SEC16A: variants seen among roughly 807,000 people sequenced by gnomAD.
SEC16A encodes the protein protein transport protein Sec16A.
In SEC16A, 110 loss-of-function variants were observed where a neutral mutation model predicts 221.9. That is an observed-to-expected ratio of 0.50 (90% CI 0.42 to 0.58). The LOEUF (loss-of-function observed/expected upper bound fraction) is 0.58. SEC16A is among the 20% of genes least tolerant of loss of function. The pLI is 0.00. For missense variants in SEC16A, 3,165 were observed against 3,097.8 expected (o/e 1.02, Z -0.52); for synonymous variants, 1,393 against 1,257.7 (o/e 1.11, Z -2.28).
intron 23 of SEC16A, among the ~76,000 whole-genome samples, chr9:136,449,111 G>A (rs942568478): frequency 3.3e-5 from 5 of 152,198 alleles, no homozygotes; most frequent in South Asian, 2.1e-4. Context: ...AGCTTCCGAC[G>A]TCCTCCCCTT....
intron 31 of SEC16A, among the ~76,000 whole-genome samples, chr9:136,443,276 C>T (rs1161255091): frequency 1.3e-5 from 2 of 151,828 alleles, no homozygotes; most frequent in African/African-American, 4.9e-5. Context: ...CCACGCAGAG[C>T]TGAGCACGGT....
chr9:136,472,063 C>G lies in SEC16A; in HGVS notation c.3616G>C (p.Ala1206Pro). The change falls in exon 4 of 32, where the codon GCG becomes CCG. Residue 1206 changes from alanine to proline, a missense_variant. This residue lies in a region of SEC16A where 2,030 missense variants were observed against 1,923.1 expected (regional missense o/e 1.06). Transcript: ENST00000684901. ...CGGTAGTTCTGGGCGTAAGCAGACG[C>G]AGCACCATCATAGGGCCTGTATCGA... Reference protein sequence around the residue: ...EPRYRPYDGAASAYAQNYRYP... With the variant: ...EPRYRPYDGAPSAYAQNYRYP... 5.0e-6 allele frequency: 8 copies of G among 1,613,636 alleles called. No individual in the cohort carries two copies. Among genetic ancestry groups the G allele is most frequent in the Non-Finnish European group, 6.8e-6 (8 of 1,179,888 alleles).
At position 136,459,784 on chromosome 9, in the gene SEC16A, T is replaced by C. The variant is rs1839223897; in HGVS notation, c.5164A>G (p.Thr1722Ala). 9 of 1,612,002 alleles carry C rather than the reference T, an allele frequency of 5.6e-6. No individual in the cohort carries two copies. The highest frequency in any genetic ancestry group is 6.8e-6 in the Non-Finnish European group (8 of 1,179,074). The change falls in exon 15 of 32, where the codon ACG (threonine) becomes GCG (alanine). Residue 1722 changes from threonine (T) to alanine (A), a missense_variant. Physicochemically the swap from Thr to Ala is moderately conservative, Grantham distance 58 (BLOSUM62 0). This residue lies in a region of SEC16A where 1,088 missense variants were observed against 1,089.6 expected (regional missense o/e 1.00). Coordinates refer to ENST00000684901, the MANE Select transcript of SEC16A (RefSeq NM_014866.2). The surrounding 1 kb of genome is among the most constrained non-coding windows in gnomAD (Gnocchi z 6.1). ...LNNNMDVESR[T>A]MATMGDTLAS... ...AGAGTGTCGCCCATGGTAGCCATCG[T>C]CCTGGACTCGACGTCCATGTTGTTG...
intron 3 of SEC16A, 85 bp from the exon 4 acceptor site, chr9:136,472,196 G>C (rs983926895): frequency 1.3e-6 from 2 of 1,542,136 alleles, no homozygotes; most frequent in African/African-American, 2.7e-5. Flanking sequence ...AAACATTGCA[G>C]AGGGCGGGCA....
At chr9:136,482,228 C>G (rs1842470558) in intron 1 of SEC16A, among the ~76,000 whole-genome samples, 1 of 152,198 alleles carries the variant, frequency 6.6e-6, no homozygotes, top group South Asian at 2.1e-4. Context: ...TAGGAAGAAC[C>G]GTCTGCGGTT....
chr9:136,445,601 G>C (rs1290268281), intron 29 of SEC16A, 44 bp downstream of exon 29: 4 of 1,427,306 alleles, frequency 2.8e-6, no homozygotes, highest in Non-Finnish European at 2.9e-6. Context: ...TGAGCTGCTG[G>C]GGAGGCCTGG....
intron 28 of SEC16A, among the ~76,000 whole-genome samples, chr9:136,446,506 T>C (rs1837012459): frequency 6.6e-6 from 1 of 152,058 alleles, no homozygotes; most frequent in African/African-American, 2.4e-5. Flanking sequence ...AGGTAATTTC[T>C]CTGTAACTTA....
At position 136,448,151 on chromosome 9, in the gene SEC16A, C is replaced by A; in HGVS notation, c.6323G>T (p.Trp2108Leu). ...ETKEPKKGESWFFRWLPGKKK... is the reference protein window; with the variant it reads ...ETKEPKKGESLFFRWLPGKKK... ...CTTTCCAGGTAGCCAACGAAAGAAC[C>A]AGGATTCACCCTAAATATAAAAAAC... Residue 2108 changes from tryptophan (W) to leucine (L), a missense_variant, in exon 24 of 32, where the codon TGG (tryptophan) becomes TTG (leucine). Physicochemically the swap from Trp to Leu is moderately conservative, Grantham distance 61. Around this residue, in one of 3 missense-constraint regions of SEC16A, gnomAD observed 1,088 missense variants for 1,089.6 expected, o/e 1.00. Transcript: ENST00000684901. 7 of 1,612,970 alleles carry A rather than the reference C, an allele frequency of 4.3e-6. No homozygotes were observed. Among genetic ancestry groups the A allele is most frequent in the Non-Finnish European group, 5.1e-6 (6 of 1,179,066 alleles).
At chr9:136,454,518 G>C (rs2132104640) in intron 20 of SEC16A, among the ~76,000 whole-genome samples, 191 bp from the exon 21 acceptor site, 1 of 152,374 alleles carries the variant, frequency 6.6e-6, no homozygotes, top group Admixed American at 6.5e-5. Context: ...CAGAAAAGCA[G>C]AGTATCCGCT....
rs780649850 is a variant in SEC16A at position 136,464,298 on chromosome 9, A to T, written c.4446+122T>A. 1.5e-4 allele frequency: 138 copies of T among 950,244 alleles called. 3 individuals are homozygous for T. The highest frequency in any genetic ancestry group is 2.7e-4 in the South Asian group (12 of 44,376). The allele number at this position is 950,244 out of a possible 1,614,324, so 58.9% of individuals were successfully genotyped here. On this transcript the variant is annotated intron_variant, in intron 9 of 31. Transcript: ENST00000684901. ...CTACAAATTGAAAATTCACAGGAAT[A>T]AACATTTTCCAAGGACGTATGTCCA...
Position 136,476,834 on chromosome 9 carries a change from C to T in SEC16A, c.782G>A (p.Gly261Asp). 1 of 1,612,352 alleles carries T rather than the reference C, an allele frequency of 6.2e-7. No homozygotes were observed. Among genetic ancestry groups the T allele is most frequent in the Non-Finnish European group, 8.5e-7 (1 of 1,179,090 alleles). ...PTPSILHQGP[G>D]HEQHSPLVAP... ...CACCAGAGGGCTGTGTTGCTCATGA[C>T]CAGGGCCCTGATGTAGGATGGACGG... Residue 261 changes from glycine (G) to aspartate (D), a missense_variant, in exon 3 of 32, where the codon GGT becomes GAT. Coordinates refer to ENST00000684901, the MANE Select transcript of SEC16A (RefSeq NM_014866.2).
intron 12 of SEC16A, among the ~76,000 whole-genome samples, chr9:136,462,140 G>A (rs1839568746): frequency 6.6e-6 from 1 of 151,964 alleles, no homozygotes; most frequent in Non-Finnish European, 1.5e-5. Context: ...AAAAATACTG[G>A]TCAAATATGC....
intron 14 of SEC16A, 31 bp downstream of exon 14, chr9:136,460,011 C>A: frequency 6.3e-7 from 1 of 1,577,732 alleles, no homozygotes; most frequent in Non-Finnish European, 8.6e-7. Context: ...GGCAGTGGAG[C>A]CTGTGCAAGC....
intron 5 of SEC16A, among the ~76,000 whole-genome samples, chr9:136,467,531 T>C (rs1024211941): frequency 6.6e-6 from 1 of 152,156 alleles, no homozygotes; most frequent in African/African-American, 2.4e-5. Flanking sequence ...GTTGCTGCTT[T>C]TGACTAGTTA....
Position 136,475,796 on chromosome 9 carries a change from G to C in SEC16A, c.1820C>G (p.Ala607Gly). The C allele has an allele frequency of 6.3e-7, 1 of 1,588,434 alleles. No individual in the cohort carries two copies. Among genetic ancestry groups the C allele is most frequent in the Non-Finnish European group, 8.6e-7 (1 of 1,167,048 alleles). The part of the protein sequence containing the change: ...PKPTGIFQTS[A>G]NSSFEPVKSH... ...TTTTACCGGTTCGAAAGAACTATTT[G>C]CACTTGTCTGAAATATTCCTGTAGG... is the stretch of plus-strand genomic sequence containing the variant. Residue 607 changes from alanine to glycine, a missense_variant, in exon 3 of 32, where the codon GCA (alanine) becomes GGA (glycine). Ala to Gly is a moderately conservative substitution (Grantham distance 60, BLOSUM62 0). Coordinates refer to ENST00000684901, the MANE Select transcript of SEC16A (RefSeq NM_014866.2). This position sits in a 1 kb window ranked among gnomAD's most constrained non-coding sequence, Gnocchi z 5.0.
rs745605983 is a variant in SEC16A, at chr9:136,459,102, A to T, written c.5409+32T>A. On this transcript the variant is annotated intron_variant, in intron 17 of 31. Transcript: ENST00000684901. The surrounding 1 kb of genome is among the most constrained non-coding windows in gnomAD (Gnocchi z 6.1). ...GTTAGCACTGAGTGCCTGCCCAGCC[A>T]TGACAGCTGCAGGCTGGCAGCACCT... is the stretch of plus-strand genomic sequence containing the variant. 2.6e-6 allele frequency: 4 copies of T among 1,514,754 alleles called. No individual in the cohort carries two copies. In the African/African-American group the frequency reaches 5.5e-5, roughly 21 times the overall value. 93.8% of individuals were successfully genotyped at this position (1,514,754 alleles called of 1,614,324 possible). A position where few individuals can be genotyped will look rare whatever the true frequency, so the allele number is the denominator to read the frequency against.
At chr9:136,457,338 A>G (rs1274727264) in intron 18 of SEC16A, 106 bp downstream of exon 18, 2 of 1,298,636 alleles carry the variant, frequency 1.5e-6, no homozygotes, top group African/African-American at 1.5e-5. Context: ...AGCGCCTACC[A>G]CAATGCGCGT....
At position 136,476,279 on chromosome 9, in the gene SEC16A, G is replaced by A. The variant is rs1355433018; in HGVS notation, c.1337C>T (p.Thr446Ile). 6.2e-7 allele frequency: 1 copy of A among 1,613,170 alleles called. No homozygotes were observed. The highest frequency in any genetic ancestry group is 8.5e-7 in the Non-Finnish European group (1 of 1,179,900). The stretch of plus-strand genomic sequence containing the variant: ...CGAGCCGCTGGCATCCGGCACCCCT[G>A]TGCTCGCTGTGTCACCCCACACATC... ...AGDVWGDTAS[T>I]GVPDASGSQY... The change falls in exon 3 of 32, where the codon ACA (threonine) becomes ATA (isoleucine). Residue 446 changes from threonine (T) to isoleucine (I), a missense_variant. Thr to Ile is a moderately conservative substitution (Grantham distance 89, BLOSUM62 -1). Transcript: ENST00000684901.
In SEC16A at chr9:136,476,633, C is replaced by A; in HGVS notation, c.983G>T (p.Arg328Leu). 3.2e-6 allele frequency: 5 copies of A among 1,580,336 alleles called. No individual in the cohort carries two copies. The highest frequency in any genetic ancestry group is 4.3e-6 in the Non-Finnish European group (5 of 1,161,046). The change falls in exon 3 of 32, where the codon CGG (arginine) becomes CTG (leucine). Residue 328 changes from arginine (R) to leucine (L), a missense_variant. Around this residue, in one of 3 missense-constraint regions of SEC16A, gnomAD observed 2,030 missense variants for 1,923.1 expected, o/e 1.06. Transcript: ENST00000684901. ...GGGGTTCACAAGAGCAGAGGCGGGC[C>A]GGTGCTCATTCTTCACTCCTGGATT... ...RQNPGVKNEH[R>L]PASALVNPLA...
Sources: allele counts gnomAD v4.1 joint callset (sites outside exome capture counted in the v4.1 genomes callset), GRCh38; gene constraint gnomAD v4.1.1; regional missense constraint gnomAD v4.1.1; non-coding constraint Gnocchi (gnomAD v3.1); transcripts MANE v1.5; gene names NCBI Gene and HGNC (gene_info 2026-07-23, HGNC 2026-07-21).